CDC14A: variants seen among roughly 807,000 people sequenced by gnomAD.
The protein encoded by CDC14A is cell division cycle 14A.
Under a neutral mutation model 74.4 loss-of-function variants are expected in CDC14A, and 53 were observed. That is an observed-to-expected ratio of 0.71 (90% CI 0.57 to 0.89). CDC14A has a LOEUF of 0.89. CDC14A is among the 40% of genes least tolerant of loss of function. The pLI is 0.00. For missense variants in CDC14A, 646 were observed against 713.7 expected (o/e 0.91, Z 1.08); for synonymous variants, 247 against 258.4 (o/e 0.96, Z 0.43).
upstream of CDC14A, among the ~76,000 whole-genome samples, chr1:100,347,593 A>G (rs1007243427): frequency 6.6e-6 from 1 of 152,208 alleles, no homozygotes; most frequent in Non-Finnish European, 1.5e-5. Flanking sequence ...TATTTTTGGT[A>G]TTCTGGTTCT....
chr1:100,349,519 C>A (rs1164087797), upstream of CDC14A, among the ~76,000 whole-genome samples: 1 of 152,100 alleles, frequency 6.6e-6, no homozygotes, highest in Non-Finnish European at 1.5e-5. Context: ...CTCATTAGAA[C>A]CTTGGTATGT....
At chr1:100,415,540 G>A (rs1661430331) in intron 4 of CDC14A, among the ~76,000 whole-genome samples, 1 of 152,132 alleles carries the variant, frequency 6.6e-6, no homozygotes, top group African/African-American at 2.4e-5. Context: ...CAGGTATATT[G>A]TCTTATGCTT....
At chr1:100,457,248 T>A (rs894741717) in intron 8 of CDC14A, among the ~76,000 whole-genome samples, 13 of 152,222 alleles carry the variant, frequency 8.5e-5, no homozygotes, top group Non-Finnish European at 1.5e-5. Context: ...CATTGTATAT[T>A]CTATGGATAC....
intron 4 of CDC14A, among the ~76,000 whole-genome samples, chr1:100,412,710 A>ATATATATATTTTT (rs1660909935): frequency 1.0e-5 from 1 of 96,048 alleles, no homozygotes; most frequent in Non-Finnish European, 1.8e-5. Flanking sequence ...ATATATATAT[A>ATATATATATTTTT]TATATATATA....
At chr1:100,431,805 G>C (rs184262713) in intron 5 of CDC14A, among the ~76,000 whole-genome samples, 2 of 151,400 alleles carry the variant, frequency 1.3e-5, no homozygotes. Context: ...AGTTATGATC[G>C]TGCTGCTGTG....
chr1:100,386,831 C>G (rs1656939752), intron 3 of CDC14A, among the ~76,000 whole-genome samples: 1 of 152,136 alleles, frequency 6.6e-6, no homozygotes, highest in Admixed American at 6.5e-5. Flanking sequence ...GTGACTTTGT[C>G]TGCATGGTAA....
chr1:100,467,879 G>A (rs1571268977), intron 9 of CDC14A, 77 bp from the exon 10 acceptor site: 1 of 1,387,704 alleles, frequency 7.2e-7, no homozygotes, highest in Admixed American at 2.5e-5. Context: ...CAGTTTCTGG[G>A]CAAGGTTTGA....
chr1:100,455,848 C>G (rs1666629445), intron 8 of CDC14A, among the ~76,000 whole-genome samples: 1 of 152,208 alleles, frequency 6.6e-6, no homozygotes. Context: ...TGCTACACAT[C>G]AAGATGTTCT....
At chr1:100,517,369 C>T (rs759551307) in intron 15 of CDC14A, among the ~76,000 whole-genome samples, 2 of 152,166 alleles carry the variant, frequency 1.3e-5, no homozygotes, top group Non-Finnish European at 2.9e-5. Flanking sequence ...AGGGCATTTA[C>T]TAGAAAATCA....
chr1:100,362,152 G>A (rs558511158), intron 2 of CDC14A, among the ~76,000 whole-genome samples: 1 of 152,270 alleles, frequency 6.6e-6, no homozygotes, highest in South Asian at 2.1e-4. Flanking sequence ...TGGAGTCTTT[G>A]TCTTTTGTGA....
intron 3 of CDC14A, among the ~76,000 whole-genome samples, chr1:100,381,084 A>T (rs1656032939): frequency 6.6e-6 from 1 of 152,132 alleles, no homozygotes; most frequent in African/African-American, 2.4e-5. Context: ...TAGAGGGTGG[A>T]AGGTGGAGGA....
intron 15 of CDC14A, among the ~76,000 whole-genome samples, chr1:100,501,333 T>C (rs757655170): frequency 6.6e-6 from 1 of 152,160 alleles, no homozygotes; most frequent in African/African-American, 2.4e-5. Context: ...GCTAGAGATA[T>C]ATAGATAATC....
At chr1:100,462,601 G>C (rs775483281) in intron 8 of CDC14A, 50 bp from the exon 9 acceptor site, 1 of 1,349,900 alleles carries the variant, frequency 7.4e-7, no homozygotes, top group East Asian at 2.3e-5. Context: ...TTTCTGGGTT[G>C]TGGAAGATGA....
At chr1:100,446,285 C>T (rs1242678020) in intron 7 of CDC14A, among the ~76,000 whole-genome samples, 1 of 152,000 alleles carries the variant, frequency 6.6e-6, no homozygotes. Context: ...AAAAAAACCC[C>T]AAAAAAGCCT....
chr1:100,464,702 T>C (rs1667625320), intron 9 of CDC14A, among the ~76,000 whole-genome samples: 1 of 152,186 alleles, frequency 6.6e-6, no homozygotes, highest in Admixed American at 6.5e-5. Context: ...GCCATCCGTA[T>C]CTTGGATTGA....
intron 2 of CDC14A, among the ~76,000 whole-genome samples, chr1:100,373,932 C>G (rs1408350936): frequency 6.6e-6 from 1 of 152,086 alleles, no homozygotes; most frequent in African/African-American, 2.4e-5. Context: ...TTAGGTATAT[C>G]TCCTGATGCT....
chr1:100,496,199 T>A, intron 13 of CDC14A, 150 bp downstream of exon 13: 1 of 641,120 alleles, frequency 1.6e-6, no homozygotes, highest in Non-Finnish European at 2.7e-6. Flanking sequence ...TTATGCCTTA[T>A]TTTTAATGCT....
At chr1:100,413,234 A>C (rs1429242872) in intron 4 of CDC14A, among the ~76,000 whole-genome samples, 1 of 152,182 alleles carries the variant, frequency 6.6e-6, no homozygotes, top group African/African-American at 2.4e-5. Context: ...TTCTCTAAGC[A>C]ACAACTCTTG....
intron 3 of CDC14A, 59 bp from the exon 4 acceptor site, chr1:100,390,673 C>T (rs757163599): frequency 3.6e-5 from 38 of 1,066,428 alleles, no homozygotes; most frequent in African/African-American, 1.3e-4. Flanking sequence ...TGTTTGCCTT[C>T]TGTATATGTT....
Sources: allele counts gnomAD v4.1 joint callset (sites outside exome capture counted in the v4.1 genomes callset), GRCh38; gene constraint gnomAD v4.1.1; transcripts MANE v1.5; gene names NCBI Gene and HGNC (gene_info 2026-07-23, HGNC 2026-07-21).